Variants in ATP5MF observed in about 807,000 individuals in gnomAD.
ATP5MF encodes the protein ATP synthase membrane subunit f.
ATP5MF carries 10 observed loss-of-function variants against 13.8 expected under a neutral mutation model. The ratio of observed to expected loss-of-function variants is 0.72; its 90% CI spans 0.45 to 1.23. The LOEUF is 1.23. Ranked by LOEUF, ATP5MF falls within the 50% of genes most tolerant of loss-of-function variation. The pLI is 0.00. For synonymous variants in ATP5MF, 40 were observed against 45.8 expected (o/e 0.87, Z 0.51); for missense variants, 122 against 118.2 (o/e 1.03, Z -0.15).
chr7:99,465,913 T>C (rs1350004683), intron 1 of ATP5MF, among the ~76,000 whole-genome samples, 198 bp downstream of exon 1: 1 of 152,192 alleles, frequency 6.6e-6, no homozygotes, highest in Non-Finnish European at 1.5e-5. Context: ...CCTCCACGCC[T>C]AACCCGGTTG....
intron 1 of ATP5MF, among the ~76,000 whole-genome samples, chr7:99,463,686 G>C (rs1202434719): frequency 1.3e-5 from 2 of 152,138 alleles, no homozygotes; most frequent in Non-Finnish European, 2.9e-5. Context: ...TGAGGCAGGA[G>C]AATCACTTGA....
chr7:99,460,652 ACTGGCC>A (rs1798559380), intron 1 of ATP5MF: 1 of 406,780 alleles, frequency 2.5e-6, no homozygotes, highest in African/African-American at 2.1e-5. Flanking sequence ...TGGGGTCAGG[ACTGGCC>A]CTCCTATGTC....
intron 1 of ATP5MF, among the ~76,000 whole-genome samples, chr7:99,462,028 A>C (rs1012646115): frequency 2.6e-5 from 4 of 152,026 alleles, no homozygotes; most frequent in African/African-American, 7.2e-5. Context: ...CATATTCTGC[A>C]TCTCATTACC....
At chr7:99,460,241 AAC>A (rs1457586445) in intron 1 of ATP5MF, 48 bp from the exon 2 acceptor site, 3 of 1,603,276 alleles carry the variant, frequency 1.9e-6, no homozygotes, top group Non-Finnish European at 2.6e-6. Flanking sequence ...ATCTCCCAGT[AAC>A]ACATATGGCA....
chr7:99,466,126 C>G lies in ATP5MF; in HGVS notation c.16G>C (p.Glu6Gln), dbSNP rs770920174. MASVG[E>Q]CPAPVPVKDK... ...ACAGCCTTACCTGGGGCCGGACACT[C>G]ACCAACTGACGCCATTTTGGAGTCC... The change falls in exon 1 of 4, where the codon GAG becomes CAG. Residue 6 changes from glutamate to glutamine, a missense_variant. Transcript: ENST00000292475. 5.0e-6 allele frequency: 8 copies of G among 1,614,186 alleles called. No homozygotes were observed. Among genetic ancestry groups the G allele is most frequent in the Non-Finnish European group, 6.8e-6 (8 of 1,180,034 alleles).
intron 1 of ATP5MF, among the ~76,000 whole-genome samples, chr7:99,462,142 G>A (rs1026642076): frequency 1.3e-5 from 2 of 151,958 alleles, no homozygotes; most frequent in South Asian, 2.1e-4. Context: ...ATGAAGACAA[G>A]GGTGTTTCCT....
chr7:99,463,717 A>G (rs1182867784), intron 1 of ATP5MF, among the ~76,000 whole-genome samples: 4 of 152,172 alleles, frequency 2.6e-5, no homozygotes, highest in African/African-American at 9.7e-5. Context: ...TGGAGGTTGC[A>G]CTGAGCTGAG....
At chr7:99,459,810 T>A in intron 2 of ATP5MF, 1 of 397,974 alleles carries the variant, frequency 2.5e-6, no homozygotes, top group Non-Finnish European at 4.5e-6. Flanking sequence ...TTCATTTTCC[T>A]CTTAAAGAAG....
intron 2 of ATP5MF, 145 bp from the exon 3 acceptor site, chr7:99,459,408 G>A: frequency 1.5e-6 from 1 of 658,504 alleles, no homozygotes; most frequent in South Asian, 1.7e-5. Flanking sequence ...GGCTGATAAA[G>A]ATGACAAGCA....
At chr7:99,462,944 G>C (rs1274417713) in intron 1 of ATP5MF, among the ~76,000 whole-genome samples, 1 of 152,252 alleles carries the variant, frequency 6.6e-6, no homozygotes, top group Non-Finnish European at 1.5e-5. Flanking sequence ...TTCAGAGACA[G>C]AGCAGACCCT....
At chr7:99,458,426 G>A in intron 3 of ATP5MF, 71 bp from the exon 4 acceptor site, 2 of 1,487,614 alleles carry the variant, frequency 1.3e-6, no homozygotes, top group Non-Finnish European at 1.8e-6. Flanking sequence ...GCAGGAAGCA[G>A]GCTGAGATCA....
At chr7:99,464,355 G>A (rs1055182285) in intron 1 of ATP5MF, among the ~76,000 whole-genome samples, 3 of 152,180 alleles carry the variant, frequency 2.0e-5, no homozygotes, top group Admixed American at 6.5e-5. Flanking sequence ...ATTTCTCTAG[G>A]CTGAGATTAA....
At chr7:99,464,914 C>A (rs1047505388) in intron 1 of ATP5MF, among the ~76,000 whole-genome samples, 1 of 150,716 alleles carries the variant, frequency 6.6e-6, no homozygotes, top group Non-Finnish European at 1.5e-5. Context: ...GTTGCAGAGA[C>A]GAGATCAGCT....
At position 99,460,171 on chromosome 7, in the gene ATP5MF, A is replaced by G; in HGVS notation, c.54T>C (p.Leu18=). The change falls in exon 2 of 4, where the codon CTT becomes CTC. Residue 18 remains leucine, a synonymous_variant. Transcript: ENST00000292475. The part of the protein sequence containing the change: ...PAPVPVKDKK[L]LEVKLGELPS... ...GCAGCTCCCCCAGTTTGACCTCCAG[A>G]AGTTTCTTGTCCTTCACTGGTACTG... 6.2e-7 allele frequency: 1 copy of G among 1,614,214 alleles called. No homozygotes were observed. The highest frequency in any genetic ancestry group is 1.7e-5 in the Admixed American group (1 of 60,020).
chr7:99,465,534 G>A (rs1201505651), intron 1 of ATP5MF, among the ~76,000 whole-genome samples: 1 of 152,140 alleles, frequency 6.6e-6, no homozygotes, highest in African/African-American at 2.4e-5. Flanking sequence ...TGGGTGTCTC[G>A]GAAAAGCCTG....
At chr7:99,464,519 T>C (rs963396755) in intron 1 of ATP5MF, among the ~76,000 whole-genome samples, 2 of 151,806 alleles carry the variant, frequency 1.3e-5, no homozygotes, top group Non-Finnish European at 2.9e-5. Flanking sequence ...AAAAATTAGC[T>C]GGGCGGGGTG....
chr7:99,464,142 G>A (rs987173352), intron 1 of ATP5MF, among the ~76,000 whole-genome samples: 10 of 152,218 alleles, frequency 6.6e-5, no homozygotes, highest in Non-Finnish European at 8.8e-5. Flanking sequence ...GCCACGCAGC[G>A]TTCCAAGTGT....
intron 3 of ATP5MF, among the ~76,000 whole-genome samples, chr7:99,458,640 C>T (rs752776806): frequency 6.6e-6 from 1 of 152,088 alleles, no homozygotes; most frequent in Non-Finnish European, 1.5e-5. Context: ...GAGGCAGGAC[C>T]GCCCTGGTGC....
At position 99,460,501 on chromosome 7, in the gene ATP5MF, T is replaced by C. The variant is rs777445202; in HGVS notation, c.32-308A>G. 1.5e-4 allele frequency: 89 copies of C among 606,602 alleles called. 3 individuals carry two copies. Among genetic ancestry groups the C allele is most frequent in the South Asian group, 1.2e-3 (89 of 72,082 alleles). 37.6% of individuals were successfully genotyped at this position (606,602 alleles called of 1,614,324 possible). On this transcript the variant is annotated intron_variant, in intron 1 of 3. Coordinates refer to ENST00000292475, the MANE Select transcript of ATP5MF (RefSeq NM_004889.5). Reference sequence around the variant, plus strand: ...GCAGTAACGTGGCGGACAGGAAAGATTACTGCAAAGCTAACATTTACTTGA... The same window carrying C: ...GCAGTAACGTGGCGGACAGGAAAGACTACTGCAAAGCTAACATTTACTTGA...
Sources: allele counts gnomAD v4.1 joint callset (sites outside exome capture counted in the v4.1 genomes callset), GRCh38; gene constraint gnomAD v4.1.1; transcripts MANE v1.5; gene names NCBI Gene and HGNC (gene_info 2026-07-23, HGNC 2026-07-21).